The following TAMM41 variants were observed in gnomAD, a reference collection of about 807,000 sequenced individuals.
TAMM41 encodes the protein phosphatidate cytidylyltransferase, mitochondrial.
Under a neutral mutation model 44.1 loss-of-function variants are expected in TAMM41, and 36 were observed. The observed-to-expected ratio is 0.82, with a 90% confidence interval of 0.63 to 1.08. The LOEUF (loss-of-function observed/expected upper bound fraction) is 1.08, where lower values mean the gene tolerates loss of function less well. Ranked by LOEUF, TAMM41 falls within the 50% of genes least tolerant of loss-of-function variation. The pLI is 0.00. For missense variants in TAMM41, 417 were observed against 404.3 expected, an observed-to-expected ratio of 1.03 and a Z score of -0.27; for synonymous variants, 164 against 153.1, an observed-to-expected ratio of 1.07 and a Z score of -0.53.
downstream of TAMM41, among the ~76,000 whole-genome samples, chr3:11,789,816 A>G (rs2077442144): frequency 6.6e-6 from 1 of 152,254 alleles, no homozygotes; most frequent in African/African-American, 2.4e-5. Flanking sequence ...GTCTCATGAC[A>G]GAGCAAAGCC....
chr3:11,812,294 C>T (rs1008950230), intron 5 of TAMM41, among the ~76,000 whole-genome samples: 4 of 152,140 alleles, frequency 2.6e-5, no homozygotes, highest in African/African-American at 9.7e-5. Context: ...ATGAGCACCA[C>T]CTGTAGACCT....
At chr3:11,816,528 C>G (rs2078283939) in intron 5 of TAMM41, among the ~76,000 whole-genome samples, 1 of 152,144 alleles carries the variant, frequency 6.6e-6, no homozygotes, top group African/African-American at 2.4e-5. Flanking sequence ...CTTTTGGACG[C>G]TGGGGCGGGC....
chr3:11,808,291 A>C (rs1022696771), intron 6 of TAMM41: 11 of 1,040,744 alleles, frequency 1.1e-5, no homozygotes, highest in African/African-American at 1.7e-5. Flanking sequence ...TTCATTCTGA[A>C]AACACACATA....
At chr3:11,767,560 T>C in the TAMM41 span, among the ~76,000 whole-genome samples, 30 of 151,518 alleles carry the variant, frequency 2.0e-4, no homozygotes, top group African/African-American at 7.3e-4. Context: ...AGCTTTACTA[T>C]GTTACATTCC....
chr3:11,729,538 C>CTTTTTTTTTTTTTTTTTTTTT, the TAMM41 span, among the ~76,000 whole-genome samples: 19 of 65,522 alleles, frequency 2.9e-4, 3 homozygotes, highest in African/African-American at 8.9e-4. Flanking sequence ...TTCTTTCTTT[C>CTTTTTTTTTTTTTTTTTTTTT]ATTTTTTTTT....
chr3:11,839,432 G>T, intron 2 of TAMM41, 118 bp from the exon 3 acceptor site: 1 of 646,266 alleles, frequency 1.5e-6, no homozygotes, highest in Non-Finnish European at 2.6e-6. Flanking sequence ...TGATTCCAAA[G>T]CCACTCAAAA....
the TAMM41 span, among the ~76,000 whole-genome samples, chr3:11,759,267 T>G: frequency 1.3e-5 from 2 of 152,086 alleles, no homozygotes; most frequent in African/African-American, 2.4e-5. Context: ...GTGATCGCCA[T>G]CTAAGAGCTT....
chr3:11,812,447 G>C (rs2078117347), intron 5 of TAMM41, among the ~76,000 whole-genome samples: 1 of 152,118 alleles, frequency 6.6e-6, no homozygotes, highest in South Asian at 2.1e-4. Flanking sequence ...CCAACTGGCA[G>C]AAGACATGGG....
chr3:11,809,910 A>C (rs1575633624), intron 5 of TAMM41: 2 of 392,558 alleles, frequency 5.1e-6, no homozygotes, highest in Middle Eastern at 6.6e-4. Flanking sequence ...TTCCATTTCT[A>C]CCTGAGAAAA....
At chr3:11,755,954 T>C in the TAMM41 span, among the ~76,000 whole-genome samples, 3 of 152,058 alleles carry the variant, frequency 2.0e-5, no homozygotes, top group Non-Finnish European at 4.4e-5. Flanking sequence ...GGGCAAAACA[T>C]GTTTGGACAT....
intron 2 of TAMM41, among the ~76,000 whole-genome samples, chr3:11,840,361 T>C (rs1445037321): frequency 1.3e-5 from 2 of 151,914 alleles, no homozygotes; most frequent in African/African-American, 4.8e-5. Flanking sequence ...GCCTCCTGAG[T>C]AGCTGGGATT....
At chr3:11,792,579 C>G (rs1426515073) in intron 7 of TAMM41, among the ~76,000 whole-genome samples, 1 of 152,140 alleles carries the variant, frequency 6.6e-6, no homozygotes, top group Non-Finnish European at 1.5e-5. Context: ...GGCTAAGAAC[C>G]AACAGATCAG....
chr3:11,791,351 T>A (rs1052655041), intron 7 of TAMM41, among the ~76,000 whole-genome samples: 4 of 152,120 alleles, frequency 2.6e-5, no homozygotes, highest in African/African-American at 9.7e-5. Context: ...GTGATGAAAC[T>A]GGAGAAAGGC....
At chr3:11,788,776 A>T (rs918850420), downstream of TAMM41, among the ~76,000 whole-genome samples, 6 of 152,064 alleles carry the variant, frequency 3.9e-5, no homozygotes, top group Admixed American at 3.9e-4. Flanking sequence ...TTTCTACTAA[A>T]AATAGAAAAA....
chr3:11,748,901 T>C, the TAMM41 span, among the ~76,000 whole-genome samples: 1 of 136,164 alleles, frequency 7.3e-6, no homozygotes, highest in Non-Finnish European at 1.5e-5. Flanking sequence ...CTCAACACCC[T>C]GGGAAGTAGA....
intron 7 of TAMM41, among the ~76,000 whole-genome samples, chr3:11,802,333 G>C (rs1264440145): frequency 5.3e-5 from 8 of 152,032 alleles, no homozygotes; most frequent in Non-Finnish European, 8.8e-5. Flanking sequence ...GACAAGAAGA[G>C]ATACAAATAA....
chr3:11,801,120 G>T (rs1347425518), intron 7 of TAMM41, among the ~76,000 whole-genome samples: 1 of 147,282 alleles, frequency 6.8e-6, no homozygotes, highest in East Asian at 2.0e-4. Flanking sequence ...AAAGGAAGAA[G>T]AAACATTCTT....
At chr3:11,827,452 G>T (rs559275408) in intron 4 of TAMM41, among the ~76,000 whole-genome samples, 11 of 151,556 alleles carry the variant, frequency 7.3e-5, no homozygotes, top group African/African-American at 2.7e-4. Context: ...TGGGATTACA[G>T]GCATGCACCA....
chr3:11,743,177 G>A, the TAMM41 span, among the ~76,000 whole-genome samples: 2 of 152,064 alleles, frequency 1.3e-5, no homozygotes, highest in Non-Finnish European at 2.9e-5. Context: ...TGTCCATGTC[G>A]CTGAAGCCAG....
Sources: gnomAD v4.1 joint callset for allele counts (sites outside exome capture counted in the v4.1 genomes callset) on GRCh38, gnomAD v4.1.1 for gene constraint, MANE v1.5 for transcripts, NCBI Gene and HGNC (gene_info 2026-07-23, HGNC 2026-07-21) for gene names.